HERC5: variants seen among roughly 807,000 people sequenced by gnomAD.
HERC5 encodes the protein HECT and RLD domain containing E3 ubiquitin protein ligase 5, also known as E3 ISG15--protein ligase HERC5.
HERC5 carries 99 observed loss-of-function variants against 119.6 expected under a neutral mutation model. The observed-to-expected ratio is 0.83, with a 90% CI of 0.70 to 0.98. The LOEUF (loss-of-function observed/expected upper bound fraction) is 0.98. Among genes scored for constraint, HERC5 ranks in the 50% least tolerant of loss-of-function variants. HERC5 has a pLI of 0.00. For missense variants in HERC5, 1,267 were observed against 1,241.3 expected (o/e 1.02, Z -0.31); for synonymous variants, 478 against 445.9 (o/e 1.07, Z -0.91).
At chr4:88,459,998 T>G in intron 2 of HERC5, 97 bp from the exon 3 acceptor site, 4 of 638,700 alleles carry the variant, frequency 6.3e-6, no homozygotes, top group Non-Finnish European at 8.0e-6. Context: ...AGTTTTTTCT[T>G]GAGCTTCATT....
In HERC5 at chr4:88,472,410, A is replaced by G; in HGVS notation, c.1300A>G (p.Arg434Gly). ...CLTGSFLRKR[R>G]TTEMMPVYLD... The stretch of plus-strand genomic sequence containing the variant: ...ACTTAATTTATCTTTCTTCTACAGA[A>G]GAACTACAGAAATGATGCCTGTTTA... The change falls in exon 11 of 23, where the codon AGA (arginine) becomes GGA (glycine). Residue 434 changes from arginine (R) to glycine (G), a missense_variant and splice_region_variant. Physicochemically the swap from Arg to Gly is moderately radical, Grantham distance 125. Transcript: ENST00000264350. 1 of 1,546,746 alleles carries G rather than the reference A, an allele frequency of 6.5e-7. No individual in the cohort carries two copies. The highest frequency in any genetic ancestry group is 8.9e-7 in the Non-Finnish European group (1 of 1,125,720).
intron 20 of HERC5, among the ~76,000 whole-genome samples, chr4:88,503,732 G>A (rs1424148092): frequency 6.6e-6 from 1 of 152,068 alleles, no homozygotes; most frequent in Non-Finnish European, 1.5e-5. Flanking sequence ...TCACATTTAA[G>A]TTATATATGT....
intron 8 of HERC5, among the ~76,000 whole-genome samples, chr4:88,468,684 T>A (rs1170129170): frequency 2.6e-5 from 4 of 152,194 alleles, no homozygotes; most frequent in Non-Finnish European, 5.9e-5. Flanking sequence ...GCCAATGATG[T>A]TTGGTCAGTA....
chr4:88,496,959 C>T (rs760156831), intron 18 of HERC5, among the ~76,000 whole-genome samples: 2 of 152,072 alleles, frequency 1.3e-5, no homozygotes, highest in Non-Finnish European at 1.5e-5. Context: ...GGAGCCTGTT[C>T]GCCCCTTCCA....
At chr4:88,474,846 T>G (rs1176450834) in intron 11 of HERC5, among the ~76,000 whole-genome samples, 1 of 152,218 alleles carries the variant, frequency 6.6e-6, no homozygotes, top group Non-Finnish European at 1.5e-5. Context: ...TGTACATCAC[T>G]TAGCACAATA....
Position 88,499,909 on chromosome 4 carries a change from G to C in HERC5, c.2445-17G>C. The C allele has an allele frequency of 6.3e-7, 1 of 1,575,014 alleles. No homozygotes were observed. The highest frequency in any genetic ancestry group is 8.7e-7 in the Non-Finnish European group (1 of 1,145,788). ...ATGGTTATTACCTTTTTAAAAGCAA[G>C]ATTATTTTTTCCTTAGGAATTTGCA... On this transcript the variant is annotated splice_polypyrimidine_tract_variant and intron_variant, in intron 18 of 22. Coordinates refer to ENST00000264350, the MANE Select transcript of HERC5 (RefSeq NM_016323.4).
chr4:88,489,744 C>T (rs1741574961), intron 16 of HERC5, among the ~76,000 whole-genome samples: 1 of 152,144 alleles, frequency 6.6e-6, no homozygotes, highest in African/African-American at 2.4e-5. Flanking sequence ...CATGGTGACT[C>T]ACACCTGTAA....
At chr4:88,474,180 G>GGT in intron 11 of HERC5, among the ~76,000 whole-genome samples, 1 of 152,294 alleles carries the variant, frequency 6.6e-6, no homozygotes, top group East Asian at 1.9e-4. Flanking sequence ...GCAAAGACCT[G>GGT]GTGTGTTTTA....
intron 11 of HERC5, among the ~76,000 whole-genome samples, chr4:88,474,673 G>A (rs1740996599): frequency 1.3e-5 from 2 of 152,130 alleles, no homozygotes; most frequent in Admixed American, 1.3e-4. Context: ...AAGAATTTGG[G>A]CTTTGGAGTC....
intron 15 of HERC5, among the ~76,000 whole-genome samples, chr4:88,487,633 G>T (rs1477801099): frequency 2.0e-5 from 3 of 152,174 alleles, no homozygotes. Flanking sequence ...CTACTACTCT[G>T]TGATGGTGCC....
Position 88,459,447 on chromosome 4 carries a change from C to A in HERC5, c.366C>A (p.Asp122Glu). The A allele has an allele frequency of 6.4e-7, 1 of 1,569,224 alleles. No homozygotes were observed. The highest frequency in any genetic ancestry group is 8.6e-7 in the Non-Finnish European group (1 of 1,159,936). ...LSSDGKPFEYDNYSMKHLRFE... is the reference protein window; with the variant it reads ...LSSDGKPFEYENYSMKHLRFE... ...CAGATGGAAAACCATTTGAGTATGA[C>A]AACTATAGCATGAAACATCTAAGGT... Residue 122 changes from aspartate to glutamate, a missense_variant, in exon 2 of 23, where the codon GAC becomes GAA. Asp to Glu is a conservative substitution (Grantham distance 45, BLOSUM62 2). Coordinates refer to ENST00000264350, the MANE Select transcript of HERC5 (RefSeq NM_016323.4).
At chr4:88,500,769 GT>G in intron 19 of HERC5, 145 bp from the exon 20 acceptor site, 1 of 634,316 alleles carries the variant, frequency 1.6e-6, no homozygotes, top group Non-Finnish European at 2.7e-6. Context: ...GTAATTTTTT[GT>G]TTGTACATTC....
intron 16 of HERC5, among the ~76,000 whole-genome samples, chr4:88,489,537 C>T (rs1237013731): frequency 1.3e-5 from 2 of 152,020 alleles, no homozygotes; most frequent in African/African-American, 4.8e-5. Context: ...GGCTAAGGAG[C>T]AGCAGGCAAA....
chr4:88,485,002 A>G lies in HERC5; in HGVS notation c.1738-1113A>G, dbSNP rs1039987461. On this transcript the variant is annotated intron_variant, in intron 13 of 22. Coordinates refer to ENST00000264350, the MANE Select transcript of HERC5 (RefSeq NM_016323.4). ...GCTGAAGAAAAAAATCTGCCATACT[A>G]TTGAAAAACAATGGCTATTTTCAAC... Among the ~76,000 whole-genome samples the G allele has an allele frequency of 2.0e-5, 3 of 151,762 alleles. No individual in the cohort carries two copies. In the South Asian group the frequency reaches 6.2e-4, roughly 32 times the overall value.
chr4:88,499,939 C>T lies in HERC5; in HGVS notation c.2458C>T (p.Leu820Phe). The T allele has an allele frequency of 6.2e-7, 1 of 1,607,884 alleles. No individual in the cohort carries two copies. Among genetic ancestry groups the T allele is most frequent in the Non-Finnish European group, 8.5e-7 (1 of 1,174,824 alleles). The change falls in exon 19 of 23, where the codon CTT becomes TTT. Residue 820 changes from leucine to phenylalanine, a missense_variant. Physicochemically the swap from Leu to Phe is conservative, Grantham distance 22 (BLOSUM62 0). This residue lies in a region of HERC5 where 473 missense variants were observed against 445.7 expected (regional missense o/e 1.06). Coordinates refer to ENST00000264350, the MANE Select transcript of HERC5 (RefSeq NM_016323.4). Reference sequence around the variant, plus strand: ...TTTTTTCCTTAGGAATTTGCAAACACTTCTGGATGATGAAGGTGATAACTT... The same window carrying T: ...TTTTTTCCTTAGGAATTTGCAAACATTTCTGGATGATGAAGGTGATAACTT... ...SPDLGKNLQT[L>F]LDDEGDNFEE...
At chr4:88,501,027 T>C in intron 20 of HERC5, 42 bp downstream of exon 20, 2 of 1,369,472 alleles carry the variant, frequency 1.5e-6, no homozygotes, top group South Asian at 2.5e-5. Context: ...ATATGTACTA[T>C]TTTTATTTTA....
chr4:88,497,458 T>C (rs1485643192), intron 18 of HERC5, among the ~76,000 whole-genome samples: 1 of 152,176 alleles, frequency 6.6e-6, no homozygotes, highest in South Asian at 2.1e-4. Context: ...CTTGTTACTA[T>C]ATAAAGTGGC....
intron 13 of HERC5, among the ~76,000 whole-genome samples, chr4:88,483,216 G>A (rs982331639): frequency 5.9e-5 from 9 of 151,990 alleles, no homozygotes; most frequent in Admixed American, 6.6e-5. Context: ...GTTTGCTGTT[G>A]TTGTTGTTGT....
At chr4:88,465,132 C>G (rs1426638876) in intron 6 of HERC5, among the ~76,000 whole-genome samples, 1 of 152,144 alleles carries the variant, frequency 6.6e-6, no homozygotes, top group Non-Finnish European at 1.5e-5. Context: ...CCAGGCTGGT[C>G]TTGAACTCCT....
Sources: gnomAD v4.1 joint callset for allele counts (sites outside exome capture counted in the v4.1 genomes callset) on GRCh38, gnomAD v4.1.1 for gene constraint, gnomAD v4.1.1 regional missense constraint, MANE v1.5 for transcripts, NCBI Gene and HGNC (gene_info 2026-07-23, HGNC 2026-07-21) for gene names.